Variants in FARP1 observed in about 807,000 individuals in gnomAD.
The protein encoded by FARP1 is FERM, ARHGEF and pleckstrin domain-containing protein 1.
In FARP1, 52 loss-of-function variants were observed where a neutral mutation model predicts 128.8. The ratio of observed to expected loss-of-function variants is 0.40; its 90% CI spans 0.32 to 0.51. FARP1 has a LOEUF of 0.51. Ranked by LOEUF, FARP1 falls within the 20% of genes least tolerant of loss-of-function variation. FARP1 has a pLI of 0.45. For missense variants in FARP1, 1,333 were observed against 1,367.9 expected (o/e 0.97, Z 0.40); for synonymous variants, 580 against 551.8 (o/e 1.05, Z -0.72).
At chr13:98,239,292 C>G (rs1283967038) in intron 2 of FARP1, among the ~76,000 whole-genome samples, 1 of 152,146 alleles carries the variant, frequency 6.6e-6, no homozygotes. Context: ...CTCCCTCATC[C>G]CATCATAAAA....
intron 2 of FARP1, among the ~76,000 whole-genome samples, chr13:98,283,089 T>C (rs2139632233): frequency 6.6e-6 from 1 of 152,288 alleles, no homozygotes; most frequent in East Asian, 1.9e-4. Flanking sequence ...ATGAAGGACT[T>C]TATGTGCACT....
Position 98,448,161 on chromosome 13 carries a change from T to A in FARP1, c.3057-75T>A, listed in dbSNP as rs1261927126. Reference sequence around the variant, plus strand: ...GCGGCCTGACTTCACCTTGTGTTTCTGTAAGCGATGCCCACCAAAGTGTCA... The same window carrying A: ...GCGGCCTGACTTCACCTTGTGTTTCAGTAAGCGATGCCCACCAAAGTGTCA... On this transcript the variant is annotated intron_variant, in intron 26 of 26. Transcript: ENST00000319562. The A allele has an allele frequency of 3.9e-4, 503 of 1,280,372 alleles. 1 individual carries two copies. In the African/African-American group the frequency reaches 4.7e-3, roughly 12 times the overall value. 79.3% of individuals were successfully genotyped at this position (1,280,372 alleles called of 1,614,324 possible).
At chr13:98,276,312 G>A (rs776900176) in intron 2 of FARP1, among the ~76,000 whole-genome samples, 1 of 152,178 alleles carries the variant, frequency 6.6e-6, no homozygotes, top group South Asian at 2.1e-4. Context: ...TTTTGCCTGG[G>A]GTTTAGGATT....
intron 2 of FARP1, among the ~76,000 whole-genome samples, chr13:98,232,228 C>T (rs1326617595): frequency 6.8e-6 from 1 of 147,870 alleles, no homozygotes; most frequent in Non-Finnish European, 1.5e-5. Flanking sequence ...ACTTTACCAC[C>T]ATGTAAACTA....
intron 19 of FARP1, among the ~76,000 whole-genome samples, chr13:98,438,112 T>C (rs1892359952): frequency 6.6e-6 from 1 of 152,172 alleles, no homozygotes; most frequent in South Asian, 2.1e-4. Flanking sequence ...TGATCATTTT[T>C]TTGTTTTTAA....
rs1211106360 is a variant in FARP1 at position 98,455,107 on chromosome 13, G to A, written c.*6790G>A. 1 of 152,202 alleles carries A rather than the reference G, an allele frequency of 6.6e-6. No individual in the cohort carries two copies. The highest frequency in any genetic ancestry group is 2.4e-5 in the African/African-American group (1 of 41,450). The allele number at this position is 152,202 out of a possible 1,614,324, so 9.4% of individuals were successfully genotyped here. A position where few individuals can be genotyped will look rare whatever the true frequency, so the allele number is the denominator to read the frequency against. On this transcript the variant is annotated 3_prime_UTR_variant, in exon 27 of 27. Coordinates refer to ENST00000319562, the MANE Select transcript of FARP1 (RefSeq NM_005766.4). ...CTCCAAAGACGGTCCCTCCAAAAAT[G>A]TAAAATACCTTATTGATGATTGTTG...
At chr13:98,279,026 G>C (rs1884803994) in intron 2 of FARP1, among the ~76,000 whole-genome samples, 1 of 148,732 alleles carries the variant, frequency 6.7e-6, no homozygotes, top group South Asian at 2.1e-4. Context: ...TAGTAGAAAT[G>C]GGGTTTCACT....
intron 9 of FARP1, among the ~76,000 whole-genome samples, chr13:98,388,890 C>T (rs1035658353): frequency 2.0e-5 from 3 of 152,240 alleles, no homozygotes; most frequent in Admixed American, 2.0e-4. Context: ...CCTGAGCCCC[C>T]AGTGGAACTC....
chr13:98,411,820 C>T, intron 15 of FARP1, 81 bp from the exon 16 acceptor site: 1 of 1,488,346 alleles, frequency 6.7e-7, no homozygotes, highest in East Asian at 2.3e-5. Context: ...GTGCATTTGG[C>T]TGCATGTGAC....
chr13:98,197,471 A>T (rs1803491672), intron 1 of FARP1, among the ~76,000 whole-genome samples: 1 of 152,078 alleles, frequency 6.6e-6, no homozygotes, highest in Non-Finnish European at 1.5e-5. Context: ...CATCTCAAAA[A>T]AAAGAAGATG....
chr13:98,151,823 G>A (rs1246732377), intron 1 of FARP1, among the ~76,000 whole-genome samples: 34 of 151,558 alleles, frequency 2.2e-4, no homozygotes, highest in Non-Finnish European at 4.7e-4. Flanking sequence ...CACCACGCCC[G>A]GCTAATTTTT....
chr13:98,290,441 A>T (rs1205940517), intron 2 of FARP1, among the ~76,000 whole-genome samples: 1 of 151,906 alleles, frequency 6.6e-6, no homozygotes, highest in East Asian at 2.0e-4. Flanking sequence ...AGAGAGCAAA[A>T]AGAGAACGTG....
At chr13:98,250,495 G>A (rs1438190104) in intron 2 of FARP1, among the ~76,000 whole-genome samples, 3 of 152,116 alleles carry the variant, frequency 2.0e-5, no homozygotes, top group Non-Finnish European at 2.9e-5. Flanking sequence ...GGCCGAGGCG[G>A]GTGGATCACG....
rs118167446 is a variant in FARP1, at chr13:98,268,450, C to T, written c.171+55037C>T. ...ACTCCCCAAAGCACATCTACGCTGA[C>T]TAAAGATTCTGTTTCTCCCTTCTCT... On this transcript the variant is annotated intron_variant, in intron 2 of 26. Transcript: ENST00000319562. 1.0e-3 allele frequency among the ~76,000 whole-genome samples: 152 copies of T among 152,300 alleles called. 2 individuals carry two copies. In the East Asian group the frequency reaches 0.022, roughly 22 times the overall value.
At chr13:98,192,363 C>T (rs1387362860) in intron 1 of FARP1, among the ~76,000 whole-genome samples, 2 of 152,010 alleles carry the variant, frequency 1.3e-5, no homozygotes, top group Admixed American at 6.6e-5. Flanking sequence ...ATCACATTGC[C>T]ATCAACCCCA....
chr13:98,446,016 C>T (rs146429755), intron 24 of FARP1, 82 bp from the exon 25 acceptor site: 1 of 928,768 alleles, frequency 1.1e-6, no homozygotes, highest in East Asian at 2.4e-5. Context: ...CAGCCCAGGG[C>T]CCTGGTGCAG....
chr13:98,453,342 A>G lies in FARP1; in HGVS notation c.*5025A>G. 1.2e-6 allele frequency: 1 copy of G among 857,016 alleles called. No homozygotes were observed. 53.1% of individuals were successfully genotyped at this position (857,016 alleles called of 1,614,324 possible). A position where few individuals can be genotyped will look rare whatever the true frequency, so the allele number is the denominator to read the frequency against. ...ACAAAAATAAGTGGAGCAAATATCA[A>G]TGTGTAAGTCTAATTTTAAAAGAAT... On this transcript the variant is annotated 3_prime_UTR_variant, in exon 27 of 27. Transcript: ENST00000319562.
At chr13:98,246,306 A>G (rs569735948) in intron 2 of FARP1, among the ~76,000 whole-genome samples, 1 of 109,884 alleles carries the variant, frequency 9.1e-6, no homozygotes, top group African/African-American at 3.5e-5. Flanking sequence ...CGTGTTAGCC[A>G]GGATGGTCTC....
chr13:98,342,339 A>C (rs559332847), intron 2 of FARP1, among the ~76,000 whole-genome samples: 9 of 152,232 alleles, frequency 5.9e-5, no homozygotes, highest in Non-Finnish European at 1.3e-4. Flanking sequence ...GAAGCAACCA[A>C]AATGTCCTTC....
Sources: allele counts gnomAD v4.1 joint callset (sites outside exome capture counted in the v4.1 genomes callset), GRCh38; gene constraint gnomAD v4.1.1; transcripts MANE v1.5; gene names NCBI Gene and HGNC (gene_info 2026-07-23, HGNC 2026-07-21).